KCNQ1OT1: variants seen among roughly 807,000 people sequenced by gnomAD.
KCNQ1OT1 encodes KCNQ1 opposite strand/antisense transcript 1, also known as KCNQ1 antisense RNA 2 (non-protein coding).
At chr11:2,689,694 G>A (rs1590034380) in exon 1 of KCNQ1OT1, 3 of 398,546 alleles carry the variant, frequency 7.5e-6, no homozygotes, top group East Asian at 3.6e-5. Flanking sequence ...AGCTGCAGGG[G>A]CAGCTGTCCT....
chr11:2,650,570 T>C (rs1849741776), exon 1 of KCNQ1OT1: 1 of 398,638 alleles, frequency 2.5e-6, no homozygotes, highest in African/African-American at 2.1e-5. Flanking sequence ...GCTTGGTGCT[T>C]AGGATGTCTG....
exon 1 of KCNQ1OT1, chr11:2,666,475 C>T (rs1850069922): frequency 5.0e-6 from 2 of 398,664 alleles, no homozygotes; most frequent in Non-Finnish European, 8.8e-6. Context: ...AATCTCACGC[C>T]AAGACATTCG....
In KCNQ1OT1 at chr11:2,663,565, C is replaced by T; in HGVS notation, n.36430G>A. 1 of 398,670 alleles carries T rather than the reference C, an allele frequency of 2.5e-6. No homozygotes were observed. Among genetic ancestry groups the T allele is most frequent in the Non-Finnish European group, 4.4e-6 (1 of 226,100 alleles). The allele number at this position is 398,670 out of a possible 1,614,324, so 24.7% of individuals were successfully genotyped here. The stretch of plus-strand genomic sequence containing the variant: ...CTGTCCCTTCTCATCCTTCTGGCTG[C>T]TTGCTTCTCCTGTTGGAGCTCTCGC... On this transcript the variant is annotated non_coding_transcript_exon_variant, in exon 1 of 1. Coordinates refer to ENST00000597346, the Ensembl canonical transcript of KCNQ1OT1. This position sits in a 1 kb window ranked among gnomAD's most constrained non-coding sequence, Gnocchi z 5.2.
chr11:2,634,047 G>T, exon 1 of KCNQ1OT1: 1 of 398,382 alleles, frequency 2.5e-6, no homozygotes, highest in Non-Finnish European at 4.4e-6. Flanking sequence ...TGCCTGCTCA[G>T]TATTGTTTGT....
exon 1 of KCNQ1OT1, chr11:2,614,193 T>C: frequency 2.5e-6 from 1 of 398,552 alleles, no homozygotes; most frequent in East Asian, 3.6e-5. Context: ...TCTCTGAGGG[T>C]GCCACCTCAA....
At chr11:2,609,249 G>A (rs7104624) in exon 1 of KCNQ1OT1, 14,913 of 398,042 alleles carry the variant, frequency 0.037, 899 homozygotes, top group African/African-American at 0.16. Context: ...CTCAAAGTAC[G>A]TTCCATTTCC....
exon 1 of KCNQ1OT1, chr11:2,680,309 T>C (rs1007510346): frequency 1.4e-5 from 5 of 359,034 alleles, no homozygotes; most frequent in East Asian, 7.9e-5. Context: ...TGATGAAGAA[T>C]TGCCTTCCCC....
chr11:2,666,392 T>C (rs1272516168), exon 1 of KCNQ1OT1: 1 of 398,654 alleles, frequency 2.5e-6, no homozygotes, highest in East Asian at 3.6e-5. Flanking sequence ...GCTTCGCAAA[T>C]CCTTGAGCAA....
chr11:2,668,887 TAAA>T lies in KCNQ1OT1; in HGVS notation n.31105_31107del. ...AGAAACTTTGACTACTCCAAGGTCATAAAGATATTCTGGTTTATTCTAAAGCTT... is the reference window on the plus strand; with the variant it reads ...AGAAACTTTGACTACTCCAAGGTCATGATATTCTGGTTTATTCTAAAGCTT... On this transcript the variant is annotated non_coding_transcript_exon_variant, in exon 1 of 1. Coordinates refer to ENST00000597346, the Ensembl canonical transcript of KCNQ1OT1. The surrounding 1 kb of genome is among the most constrained non-coding windows in gnomAD (Gnocchi z 4.3). 2.5e-6 allele frequency: 1 copy of T among 398,664 alleles called. No individual in the cohort carries two copies. The allele number at this position is 398,664 out of a possible 1,614,324, so 24.7% of individuals were successfully genotyped here.
chr11:2,699,102 C>G (rs1028251946), exon 1 of KCNQ1OT1: 1 of 398,648 alleles, frequency 2.5e-6, no homozygotes, highest in Non-Finnish European at 4.4e-6. Flanking sequence ...CCCAATAGCG[C>G]GGACTCAGAA....
exon 1 of KCNQ1OT1, chr11:2,660,071 C>G (rs1590013136): frequency 1.0e-5 from 4 of 398,258 alleles, no homozygotes; most frequent in South Asian, 1.3e-4. Flanking sequence ...GATTCTTTTT[C>G]TCTTACGAGT....
At chr11:2,655,793 A>T in exon 1 of KCNQ1OT1, 1 of 398,486 alleles carries the variant, frequency 2.5e-6, no homozygotes, top group Non-Finnish European at 4.4e-6. Context: ...TGGTGGAGAA[A>T]GCACGCCCCA....
At chr11:2,649,566 A>G (rs1222742416) in exon 1 of KCNQ1OT1, 2 of 398,450 alleles carry the variant, frequency 5.0e-6, no homozygotes, top group Non-Finnish European at 8.8e-6. Flanking sequence ...TGCTGGGTAT[A>G]GTATTTGTGG....
exon 1 of KCNQ1OT1, chr11:2,640,278 A>G (rs948785247): frequency 1.8e-5 from 7 of 397,824 alleles, no homozygotes; most frequent in Non-Finnish European, 3.1e-5. Context: ...AAATGCAGAA[A>G]TCACCCATCT....
At chr11:2,697,330 T>A (rs1850694391) in exon 1 of KCNQ1OT1, 2 of 398,602 alleles carry the variant, frequency 5.0e-6, no homozygotes, top group Non-Finnish European at 8.8e-6. Context: ...CCATCAACCC[T>A]ATGAGCTACA....
In KCNQ1OT1 at chr11:2,642,454, G is replaced by A. The variant is rs1849594105; in HGVS notation, n.57541C>T. The stretch of plus-strand genomic sequence containing the variant: ...AGCCTGATTTTTAAATCCTGTAACT[G>A]TAATCAATTTATTGATCAGACTGAA... On this transcript the variant is annotated non_coding_transcript_exon_variant, in exon 1 of 1. Transcript: ENST00000597346. This position sits in a 1 kb window ranked among gnomAD's most constrained non-coding sequence, Gnocchi z 4.3. The A allele has an allele frequency of 2.5e-6, 1 of 397,806 alleles. No individual in the cohort carries two copies. Among genetic ancestry groups the A allele is most frequent in the Non-Finnish European group, 4.4e-6 (1 of 225,716 alleles). The allele number at this position is 397,806 out of a possible 1,614,324, so 24.6% of individuals were successfully genotyped here. A position where few individuals can be genotyped will look rare whatever the true frequency, so the allele number is the denominator to read the frequency against.
At chr11:2,681,411 G>T (rs972332231) in exon 1 of KCNQ1OT1, 4 of 398,372 alleles carry the variant, frequency 1.0e-5, no homozygotes, top group African/African-American at 2.1e-5. Flanking sequence ...GGCAAAGAAT[G>T]GGGATCCCTG....
In KCNQ1OT1 at chr11:2,678,211, G is replaced by C. The variant is rs1850326859; in HGVS notation, n.21784C>G. On this transcript the variant is annotated non_coding_transcript_exon_variant, in exon 1 of 1. Coordinates refer to ENST00000597346, the Ensembl canonical transcript of KCNQ1OT1. This position sits in a 1 kb window ranked among gnomAD's most constrained non-coding sequence, Gnocchi z 4.9. The stretch of plus-strand genomic sequence containing the variant: ...TTTTTTTAATTTCACATAGTCAGCT[G>C]TGTCAGTCTTTTATGGTTTGAGGTC... 5.0e-6 allele frequency: 2 copies of C among 398,216 alleles called. No individual in the cohort carries two copies. The highest frequency in any genetic ancestry group is 8.9e-6 in the Non-Finnish European group (2 of 225,970). 24.7% of individuals were successfully genotyped at this position (398,216 alleles called of 1,614,324 possible).
At chr11:2,622,541 T>TAA (rs1849191664) in exon 1 of KCNQ1OT1, 5 of 398,368 alleles carry the variant, frequency 1.3e-5, no homozygotes. Context: ...GACTTACATT[T>TAA]AAAGTACTTA....
Sources: gnomAD v4.1 joint callset for allele counts on GRCh38, gnomAD v4.1.1 for gene constraint, Gnocchi (gnomAD v3.1) non-coding constraint, MANE v1.5 for transcripts, NCBI Gene and HGNC (gene_info 2026-07-23, HGNC 2026-07-21) for gene names.